The following MMS19 variants were observed in gnomAD, a reference collection of about 807,000 sequenced individuals.
MMS19 encodes MMS19 cytosolic iron-sulfur assembly component.
A neutral mutation model predicts 129.8 loss-of-function variants in MMS19; 77 were observed. The ratio of observed to expected loss-of-function variants is 0.59; its 90% CI spans 0.49 to 0.72. MMS19 has a LOEUF of 0.72. MMS19 is among the 30% of genes least tolerant of loss of function. The pLI is 0.00. For missense variants in MMS19, 1,168 were observed against 1,266.3 expected (o/e 0.92, Z 1.18); for synonymous variants, 491 against 502.8 (o/e 0.98, Z 0.31).
chr10:97,461,020 G>A lies in MMS19; in HGVS notation c.2312-13C>T. ...TCCAGCTGCTGCCCTAAAAAGGAGAGAGGAAATGCTGACATAAAGGCTACA... is the reference window on the plus strand; with the variant it reads ...TCCAGCTGCTGCCCTAAAAAGGAGAAAGGAAATGCTGACATAAAGGCTACA... On this transcript the variant is annotated splice_polypyrimidine_tract_variant and intron_variant, in intron 23 of 30. Transcript: ENST00000438925. 1 of 1,542,906 alleles carries A rather than the reference G, an allele frequency of 6.5e-7. No homozygotes were observed. Among genetic ancestry groups the A allele is most frequent in the Non-Finnish European group, 8.8e-7 (1 of 1,139,794 alleles).
Position 97,498,360 on chromosome 10 carries a change from C to G in MMS19, c.25G>C (p.Ala9Pro). 6.4e-7 allele frequency: 1 copy of G among 1,574,464 alleles called. No homozygotes were observed. The highest frequency in any genetic ancestry group is 8.6e-7 in the Non-Finnish European group (1 of 1,167,902). The change falls in exon 1 of 31, where the codon GCG becomes CCG. Residue 9 changes from alanine to proline, a missense_variant. Around this residue, in one of 3 missense-constraint regions of MMS19, gnomAD observed 329 missense variants for 328.6 expected, o/e 1.00. Transcript: ENST00000438925. MAAAAAVE[A>P]AAPMGALWGL... ...CATAGGGCACCCATAGGCGCCGCCG[C>G]CTCCACAGCCGCGGCAGCGGCCATA...
intron 23 of MMS19, 109 bp downstream of exon 23, chr10:97,461,387 C>G: frequency 7.6e-7 from 1 of 1,323,944 alleles, no homozygotes; most frequent in South Asian, 1.4e-5. Context: ...AGTTGAAGCC[C>G]TGTTAATGTT....
chr10:97,474,212 G>A (rs1323095946), intron 8 of MMS19, among the ~76,000 whole-genome samples: 1 of 151,446 alleles, frequency 6.6e-6, no homozygotes, highest in East Asian at 1.9e-4. Flanking sequence ...TGAAGAAACT[G>A]AACCTTAAGC....
chr10:97,497,242 A>G (rs1005071703), intron 1 of MMS19, among the ~76,000 whole-genome samples: 5 of 152,176 alleles, frequency 3.3e-5, no homozygotes, highest in Non-Finnish European at 7.3e-5. Flanking sequence ...GCTTTGCATC[A>G]TGTTTGGGGA....
intron 14 of MMS19, 99 bp downstream of exon 14, chr10:97,467,406 G>C (rs985315527): frequency 6.0e-6 from 5 of 834,576 alleles, no homozygotes; most frequent in Non-Finnish European, 9.9e-6. Context: ...TAGGACCACT[G>C]TTCTAGACTA....
intron 4 of MMS19, 23 bp from the exon 5 acceptor site, chr10:97,477,952 T>A: frequency 6.5e-7 from 1 of 1,537,336 alleles, no homozygotes; most frequent in Middle Eastern, 1.7e-4. Context: ...AGAAGGTACG[T>A]GAATACCGAA....
intron 8 of MMS19, among the ~76,000 whole-genome samples, chr10:97,474,132 CAAAAA>C (rs780173105): frequency 1.0e-4 from 6 of 57,216 alleles, no homozygotes; most frequent in Admixed American, 2.0e-4. Context: ...CAGCCTGCCT[CAAAAA>C]AAAAAAAAAA....
In MMS19 at chr10:97,464,761, G is replaced by A. The variant is rs558533313; in HGVS notation, c.1757-748C>T. On this transcript the variant is annotated intron_variant, in intron 18 of 30. Transcript: ENST00000438925. ...AGGTCAGGCTGGAGTGCAATGGAGC[G>A]ATCTCGGCTTGCTCCAACCTCTGCC... Among the ~76,000 whole-genome samples, 20 of 151,258 alleles carry A rather than the reference G, an allele frequency of 1.3e-4. No homozygotes were observed. The South Asian group carries it at 3.1e-3, about 24-fold the overall frequency.
chr10:97,479,231 G>A (rs765790785), intron 3 of MMS19, among the ~76,000 whole-genome samples: 2 of 152,086 alleles, frequency 1.3e-5, no homozygotes, highest in Non-Finnish European at 2.9e-5. Context: ...TGAGGACCAA[G>A]AACCCTGGTG....
At chr10:97,492,142 A>AG (rs2039008562) in intron 1 of MMS19, among the ~76,000 whole-genome samples, 1 of 150,846 alleles carries the variant, frequency 6.6e-6, no homozygotes, top group East Asian at 2.0e-4. Context: ...AATCTAAAAA[A>AG]AAAAAAAAAA....
At position 97,498,372 on chromosome 10, in the gene MMS19, C is replaced by T. The variant is rs1465183743; in HGVS notation, c.13G>A (p.Ala5Thr). The change falls in exon 1 of 31, where the codon GCG (alanine) becomes ACG (threonine). Residue 5 changes from alanine (A) to threonine (T), a missense_variant. This residue lies in a region of MMS19 where 329 missense variants were observed against 328.6 expected (regional missense o/e 1.00). Transcript: ENST00000438925. ...ATAGGCGCCGCCGCCTCCACAGCCG[C>T]GGCAGCGGCCATAACGCGAACTAGA... MAAA[A>T]AVEAAAPMGA... 5 of 1,577,512 alleles carry T rather than the reference C, an allele frequency of 3.2e-6. No homozygotes were observed. The African/African-American group carries it at 6.7e-5, about 21-fold the overall frequency.
rs775515704 is a variant in MMS19, at chr10:97,459,493, G to C, written c.2773C>G (p.Pro925Ala). 28 of 1,613,212 alleles carry C rather than the reference G, an allele frequency of 1.7e-5. No individual in the cohort carries two copies. In the East Asian group the frequency reaches 5.6e-4, roughly 32 times the overall value. ...LSLLLEALSC[P>A]DCVVQLSTLS... ...GTGGAGAGCTGCACCACACAGTCAG[G>C]GCAGGACAGGGCCTCCAGCAGCAAG... The change falls in exon 28 of 31, where the codon CCT becomes GCT. Residue 925 changes from proline (P) to alanine (A), a missense_variant. By Grantham distance (27) the Pro-to-Ala change is conservative. Transcript: ENST00000438925.
intron 1 of MMS19, among the ~76,000 whole-genome samples, chr10:97,496,459 C>G (rs1018305615): frequency 2.7e-5 from 4 of 149,742 alleles, no homozygotes; most frequent in African/African-American, 9.9e-5. Flanking sequence ...CTACAGTGAG[C>G]CATGATTTCA....
chr10:97,498,185 G>T, intron 1 of MMS19, 88 bp downstream of exon 1: 1 of 1,274,936 alleles, frequency 7.8e-7, no homozygotes, highest in Non-Finnish European at 1.1e-6. Context: ...AAGTCACCCC[G>T]CTCCTCCCTT....
At chr10:97,469,234 C>T (rs1255869424) in intron 11 of MMS19, 130 bp from the exon 12 acceptor site, 17 of 1,152,816 alleles carry the variant, frequency 1.5e-5, no homozygotes, top group Non-Finnish European at 1.8e-5. Flanking sequence ...AATTAACACC[C>T]CAACTGAGTG....
rs1019278249 is a variant in MMS19, at chr10:97,458,394, C to T, written c.*298G>A. The T allele has an allele frequency of 5.0e-6, 2 of 397,592 alleles. No individual in the cohort carries two copies. Among genetic ancestry groups the T allele is most frequent in the Non-Finnish European group, 9.0e-6 (2 of 221,358 alleles). The allele number at this position is 397,592 out of a possible 1,614,324, so 24.6% of individuals were successfully genotyped here. ...CAGCCCTGGTCCTCAGGGCCACACT[C>T]ATATGCACTCACCCCTCAGCAGCAT... On this transcript the variant is annotated 3_prime_UTR_variant, in exon 31 of 31. Coordinates refer to ENST00000438925, the MANE Select transcript of MMS19 (RefSeq NM_022362.5).
At chr10:97,470,347 A>T (rs1349860047) in intron 9 of MMS19, 144 bp from the exon 10 acceptor site, 1 of 661,002 alleles carries the variant, frequency 1.5e-6, no homozygotes, top group Non-Finnish European at 2.7e-6. Flanking sequence ...AATGTAAGCT[A>T]ACCTTCCTGC....
chr10:97,478,565 G>C (rs538336117), intron 3 of MMS19, among the ~76,000 whole-genome samples, 176 bp from the exon 4 acceptor site: 2 of 152,290 alleles, frequency 1.3e-5, no homozygotes, highest in East Asian at 3.9e-4. Context: ...TGATCAGTCG[G>C]GAAAATAGGG....
intron 18 of MMS19, 86 bp from the exon 19 acceptor site, chr10:97,464,099 G>T: frequency 7.8e-7 from 1 of 1,277,330 alleles, no homozygotes; most frequent in Non-Finnish European, 1.1e-6. Flanking sequence ...GAGGAACAAA[G>T]AAGAGTGACT....
Sources: allele counts gnomAD v4.1 joint callset (sites outside exome capture counted in the v4.1 genomes callset), GRCh38; gene constraint gnomAD v4.1.1; regional missense constraint gnomAD v4.1.1; transcripts MANE v1.5; gene names NCBI Gene and HGNC (gene_info 2026-07-23, HGNC 2026-07-21).